Variants in RTF2 observed in about 807,000 individuals in gnomAD.
RTF2 encodes the protein replication termination factor 2.
In RTF2, 18 loss-of-function variants were observed where a neutral mutation model predicts 38.0. That is an observed-to-expected ratio of 0.47 (90% CI 0.33 to 0.70). The LOEUF is 0.70. Ranked by LOEUF, RTF2 falls within the 30% of genes least tolerant of loss-of-function variation. RTF2 has a pLI of 0.02. For missense variants in RTF2, 311 were observed against 379.6 expected (o/e 0.82, Z 1.50); for synonymous variants, 126 against 137.1 (o/e 0.92, Z 0.57).
At chr20:56,495,519 A>G (rs750931099) in intron 5 of RTF2, among the ~76,000 whole-genome samples, 1 of 152,180 alleles carries the variant, frequency 6.6e-6, no homozygotes, top group Non-Finnish European at 1.5e-5. Flanking sequence ...AGTAGCATCC[A>G]GGTGGACCAA....
rs549402352 is a variant in RTF2, at chr20:56,518,607, A to G, written c.*342A>G. ...CACCGGTGCAGAGTTGGCACATATT[A>G]ATTAACTAAAATTCTAATGATCTTG... On this transcript the variant is annotated 3_prime_UTR_variant, in exon 9 of 9. Coordinates refer to ENST00000357348, the MANE Select transcript of RTF2 (RefSeq NM_016407.5). 5.2e-6 allele frequency: 1 copy of G among 193,244 alleles called. No individual in the cohort carries two copies. Among genetic ancestry groups the G allele is most frequent in the African/African-American group, 2.3e-5 (1 of 43,222 alleles). The allele number at this position is 193,244 out of a possible 1,614,324, so 12.0% of individuals were successfully genotyped here.
chr20:56,469,824 A>C (rs1981866946), intron 1 of RTF2, among the ~76,000 whole-genome samples: 1 of 152,202 alleles, frequency 6.6e-6, no homozygotes, highest in Middle Eastern at 3.2e-3. Flanking sequence ...GTTCTAGCTA[A>C]ACAGGCCTCT....
In RTF2 at chr20:56,518,071, C is replaced by T; in HGVS notation, c.743-16C>T. ...TTTATCCCAACCCTGACAGTTTTGG[C>T]TCTTCATTTTTCTAGCAATGAATGA... On this transcript the variant is annotated splice_polypyrimidine_tract_variant and intron_variant, in intron 8 of 8. Coordinates refer to ENST00000357348, the MANE Select transcript of RTF2 (RefSeq NM_016407.5). 6.3e-7 allele frequency: 1 copy of T among 1,598,358 alleles called. No homozygotes were observed. Among genetic ancestry groups the T allele is most frequent in the South Asian group, 1.1e-5 (1 of 88,480 alleles).
At chr20:56,484,283 C>T (rs1982672951) in intron 5 of RTF2, 94 bp downstream of exon 5, 5 of 1,092,322 alleles carry the variant, frequency 4.6e-6, no homozygotes, top group Non-Finnish European at 5.6e-6. Flanking sequence ...TTTCTGAAAT[C>T]AGCTCTCATA....
intron 5 of RTF2, chr20:56,495,371 T>G: frequency 2.6e-6 from 3 of 1,172,248 alleles, no homozygotes; most frequent in Non-Finnish European, 3.7e-6. Context: ...TCTTCTGTGC[T>G]ATCATTTCCA....
At chr20:56,504,488 TC>T (rs1199513329) in intron 5 of RTF2, among the ~76,000 whole-genome samples, 2 of 152,176 alleles carry the variant, frequency 1.3e-5, no homozygotes, top group Non-Finnish European at 2.9e-5. Flanking sequence ...CACTTAAAAA[TC>T]CTGTTTCTCC....
intron 1 of RTF2, chr20:56,470,566 C>T (rs969583515): frequency 1.5e-5 from 7 of 455,902 alleles, no homozygotes; most frequent in Middle Eastern, 3.3e-4. Context: ...CTTGTAATTT[C>T]CTGGGTGACG....
At chr20:56,482,691 CA>C in intron 4 of RTF2, among the ~76,000 whole-genome samples, 1 of 152,318 alleles carries the variant, frequency 6.6e-6, no homozygotes, top group Admixed American at 6.5e-5. Flanking sequence ...GAATTTAGTG[CA>C]GTGTTATGAA....
chr20:56,473,221 G>A (rs1600792371), intron 1 of RTF2, 80 bp from the exon 2 acceptor site: 5 of 1,031,210 alleles, frequency 4.8e-6, no homozygotes, highest in African/African-American at 4.8e-5. Context: ...CGGTATTACT[G>A]AATATACTTT....
intron 4 of RTF2, among the ~76,000 whole-genome samples, chr20:56,477,944 G>A (rs1054280343): frequency 6.6e-6 from 1 of 152,206 alleles, no homozygotes; most frequent in Non-Finnish European, 1.5e-5. Flanking sequence ...GGAATCTTAT[G>A]GTTGAGATGT....
At chr20:56,496,809 T>G (rs531495061) in intron 5 of RTF2, 1 of 1,552,030 alleles carries the variant, frequency 6.4e-7, no homozygotes, top group Non-Finnish European at 8.7e-7. Flanking sequence ...GGGTGGTTTG[T>G]CTTTGAATCT....
intron 8 of RTF2, 89 bp from the exon 9 acceptor site, chr20:56,517,998 G>A: frequency 7.6e-7 from 1 of 1,317,796 alleles, no homozygotes; most frequent in South Asian, 1.4e-5. Context: ...GTCTGGGACA[G>A]AGTGACTGAT....
intron 5 of RTF2, chr20:56,496,781 A>G (rs903570163): frequency 1.3e-6 from 2 of 1,552,048 alleles, no homozygotes; most frequent in Non-Finnish European, 1.7e-6. Flanking sequence ...CACTTCCAAA[A>G]TAAATGGTTA....
chr20:56,482,669 A>G (rs1044983811), intron 4 of RTF2, among the ~76,000 whole-genome samples: 1 of 152,246 alleles, frequency 6.6e-6, no homozygotes, highest in African/African-American at 2.4e-5. Context: ...AAAATTCTAA[A>G]CAACATTCAG....
In RTF2 at chr20:56,476,982, C is replaced by A. The variant is rs769380183; in HGVS notation, c.259-3C>A. ...TTGTTAAAATATTAATGGTTTTTCC[C>A]AGAATGTGACAGAGCTGAAGCTTTC... On this transcript the variant is annotated splice_region_variant and splice_polypyrimidine_tract_variant and intron_variant, in intron 3 of 8. Coordinates refer to ENST00000357348, the MANE Select transcript of RTF2 (RefSeq NM_016407.5). The A allele has an allele frequency of 5.0e-6, 8 of 1,613,142 alleles. No individual in the cohort carries two copies. Among genetic ancestry groups the A allele is most frequent in the Non-Finnish European group, 6.8e-6 (8 of 1,179,578 alleles).
intron 5 of RTF2, among the ~76,000 whole-genome samples, 170 bp from the exon 6 acceptor site, chr20:56,513,145 A>G (rs1189068881): frequency 2.6e-5 from 4 of 152,190 alleles, no homozygotes; most frequent in Admixed American, 6.5e-5. Flanking sequence ...CTACGCTGAC[A>G]CTTTGCTGTG....
chr20:56,478,919 A>G (rs934189559), intron 4 of RTF2, among the ~76,000 whole-genome samples: 5 of 152,230 alleles, frequency 3.3e-5, no homozygotes, highest in Non-Finnish European at 5.9e-5. Context: ...CAAATCTATC[A>G]TAACAATATT....
intron 5 of RTF2, among the ~76,000 whole-genome samples, chr20:56,501,301 A>G (rs941494574): frequency 1.3e-5 from 2 of 151,562 alleles, no homozygotes; most frequent in Non-Finnish European, 2.9e-5. Flanking sequence ...TTTTATTTCT[A>G]TATTGTGAAG....
chr20:56,502,896 T>C (rs1191811207), intron 5 of RTF2, among the ~76,000 whole-genome samples: 1 of 152,194 alleles, frequency 6.6e-6, no homozygotes, highest in African/African-American at 2.4e-5. Flanking sequence ...CTTACGAGTC[T>C]GTTGGGCAAG....
Sources: allele counts gnomAD v4.1 joint callset (sites outside exome capture counted in the v4.1 genomes callset), GRCh38; gene constraint gnomAD v4.1.1; transcripts MANE v1.5; gene names NCBI Gene and HGNC (gene_info 2026-07-23, HGNC 2026-07-21).